Variants in TNR observed in about 807,000 individuals in gnomAD.
TNR encodes the protein tenascin R.
A neutral mutation model predicts 150.4 loss-of-function variants in TNR; 45 were observed. The ratio of observed to expected loss-of-function variants is 0.30; its 90% CI spans 0.24 to 0.38. The LOEUF is 0.38. TNR is among the 10% of genes least tolerant of loss of function. The pLI is 1.00. For missense variants in TNR, 1,544 were observed against 1,759.1 expected (o/e 0.88, Z 2.19); for synonymous variants, 687 against 678.4 (o/e 1.01, Z -0.20).
chr1:175,354,637 C>T, intron 17 of TNR, 114 bp from the exon 18 acceptor site: 1 of 1,316,912 alleles, frequency 7.6e-7, no homozygotes, highest in Non-Finnish European at 1.1e-6. Flanking sequence ...TTGCAATGGC[C>T]ATTGTCATCC....
chr1:175,398,063 T>G (rs1238531350), intron 4 of TNR, among the ~76,000 whole-genome samples: 1 of 152,210 alleles, frequency 6.6e-6, no homozygotes, highest in Non-Finnish European at 1.5e-5. Context: ...CCCTCCCCTT[T>G]ACAACCAGGT....
chr1:175,355,054 A>T (rs1651255318), intron 17 of TNR, among the ~76,000 whole-genome samples: 1 of 152,234 alleles, frequency 6.6e-6, no homozygotes, highest in African/African-American at 2.4e-5. Context: ...AATGCTTATC[A>T]AGAGGCATAA....
intron 1 of TNR, among the ~76,000 whole-genome samples, chr1:175,613,979 C>G (rs1663685124): frequency 6.6e-6 from 1 of 152,142 alleles, no homozygotes; most frequent in Non-Finnish European, 1.5e-5. Context: ...CATTTACTAG[C>G]TATGTGGTCC....
chr1:175,455,674 T>C (rs1490219400), intron 2 of TNR, among the ~76,000 whole-genome samples: 3 of 152,190 alleles, frequency 2.0e-5, no homozygotes, highest in Non-Finnish European at 4.4e-5. Context: ...AAGGGTTGTT[T>C]GGAGTTCACC....
intron 18 of TNR, among the ~76,000 whole-genome samples, chr1:175,338,740 G>A (rs962486103): frequency 2.6e-5 from 4 of 152,178 alleles, no homozygotes; most frequent in Admixed American, 1.3e-4. Flanking sequence ...GTGGGTCAGA[G>A]TAAGTGACAG....
intron 1 of TNR, among the ~76,000 whole-genome samples, chr1:175,532,120 C>A (rs980906027): frequency 9.2e-5 from 14 of 152,212 alleles, no homozygotes; most frequent in South Asian, 2.1e-4. Context: ...CCAGTATAAA[C>A]CTTGTTGCTT....
At position 175,335,706 on chromosome 1, in the gene TNR, T is replaced by G. The variant is rs1210935858; in HGVS notation, c.3631+5A>C. 11 of 1,611,688 alleles carry G rather than the reference T, an allele frequency of 6.8e-6. No homozygotes were observed. The highest frequency in any genetic ancestry group is 9.3e-6 in the Non-Finnish European group (11 of 1,179,300). On this transcript the variant is annotated splice_donor_5th_base_variant and intron_variant, in intron 20 of 22. Transcript: ENST00000367674. Reference sequence around the variant, plus strand: ...CATCAATGGAAAGCAATAAGGAGGCTTTACCCAGCCAGAACTCATCCTCCA... The same window carrying G: ...CATCAATGGAAAGCAATAAGGAGGCGTTACCCAGCCAGAACTCATCCTCCA...
intron 1 of TNR, among the ~76,000 whole-genome samples, chr1:175,550,379 A>G (rs1660891806): frequency 6.6e-6 from 1 of 152,220 alleles, no homozygotes; most frequent in Admixed American, 6.5e-5. Flanking sequence ...GAGATGCTGA[A>G]TCAGATAGAC....
At chr1:175,685,948 A>T (rs935968627) in intron 1 of TNR, among the ~76,000 whole-genome samples, 3 of 152,060 alleles carry the variant, frequency 2.0e-5, no homozygotes, top group African/African-American at 7.2e-5. Flanking sequence ...GCCTTAAACA[A>T]ATGTTACTAT....
At chr1:175,444,033 C>A (rs1655915896) in intron 2 of TNR, among the ~76,000 whole-genome samples, 1 of 152,094 alleles carries the variant, frequency 6.6e-6, no homozygotes, top group Admixed American at 6.6e-5. Flanking sequence ...TGGCCATGGA[C>A]TTGGGGGGTG....
chr1:175,426,380 G>T (rs1446473342), intron 2 of TNR, among the ~76,000 whole-genome samples: 2 of 152,154 alleles, frequency 1.3e-5, no homozygotes, highest in Non-Finnish European at 2.9e-5. Context: ...GTCCACTGTA[G>T]GTGCTGTCGC....
At chr1:175,721,227 C>G (rs995490131) in intron 1 of TNR, among the ~76,000 whole-genome samples, 1 of 152,206 alleles carries the variant, frequency 6.6e-6, no homozygotes, top group Non-Finnish European at 1.5e-5. Context: ...GAGTCTCTAA[C>G]AAATCACCCT....
intron 2 of TNR, among the ~76,000 whole-genome samples, chr1:175,423,218 T>C (rs1259995981): frequency 6.6e-6 from 1 of 152,212 alleles, no homozygotes; most frequent in African/African-American, 2.4e-5. Flanking sequence ...AAGAAGCACC[T>C]GGTGTTCATT....
intron 2 of TNR, among the ~76,000 whole-genome samples, chr1:175,447,673 TTTG>T (rs573269741): frequency 6.6e-4 from 100 of 152,342 alleles, no homozygotes; most frequent in Admixed American, 2.1e-3. Context: ...TTGTCTCTTT[TTTG>T]TTGTTGTTGT....
intron 1 of TNR, among the ~76,000 whole-genome samples, chr1:175,684,571 A>G (rs982822632): frequency 6.6e-6 from 1 of 152,226 alleles, no homozygotes; most frequent in Non-Finnish European, 1.5e-5. Context: ...AAAGGCTAGG[A>G]CTGTAAAATT....
At chr1:175,328,643 G>A (rs1290445217) in intron 21 of TNR, among the ~76,000 whole-genome samples, 1 of 152,202 alleles carries the variant, frequency 6.6e-6, no homozygotes, top group Non-Finnish European at 1.5e-5. Context: ...CTAATTAGCT[G>A]ATGATGAACA....
rs1553203551 is a variant in TNR at position 175,331,133 on chromosome 1, T to TCTC, written c.3632-899_3632-898insGAG. Among the ~76,000 whole-genome samples the TCTC allele has an allele frequency of 4.7e-4, 58 of 123,012 alleles. 2 individuals are homozygous for TCTC. Among genetic ancestry groups the TCTC allele is most frequent in the East Asian group, 1.6e-3 (6 of 3,734 alleles). 80.7% of individuals were successfully genotyped at this position (123,012 alleles called of 152,430 possible). A position where few individuals can be genotyped will look rare whatever the true frequency, so the allele number is the denominator to read the frequency against. On this transcript the variant is annotated intron_variant, in intron 20 of 22. Transcript: ENST00000367674. The stretch of plus-strand genomic sequence containing the variant: ...TCTTTCTTTTCTTTCTTTCTTTCTT[T>TCTC]TCTTTCTTTCTTCCTTTCTTTCTTT...
chr1:175,673,632 A>C (rs1665771023), intron 1 of TNR, among the ~76,000 whole-genome samples: 1 of 152,222 alleles, frequency 6.6e-6, no homozygotes, highest in Non-Finnish European at 1.5e-5. Flanking sequence ...GTGCGGATGA[A>C]TGAGTCTTGC....
chr1:175,715,909 C>T (rs1667145547), intron 1 of TNR, among the ~76,000 whole-genome samples: 1 of 152,148 alleles, frequency 6.6e-6, no homozygotes, highest in Non-Finnish European at 1.5e-5. Flanking sequence ...AGCTGGGATG[C>T]AACTGCCCTA....
Sources: allele counts gnomAD v4.1 joint callset (sites outside exome capture counted in the v4.1 genomes callset), GRCh38; gene constraint gnomAD v4.1.1; transcripts MANE v1.5; gene names NCBI Gene and HGNC (gene_info 2026-07-23, HGNC 2026-07-21).